AOPEP: variants seen among roughly 807,000 people sequenced by gnomAD.
AOPEP encodes aminopeptidase O.
AOPEP carries 77 observed loss-of-function variants against 98.1 expected under a neutral mutation model. That is an observed-to-expected ratio of 0.78 (90% confidence interval 0.65 to 0.95). The LOEUF (loss-of-function observed/expected upper bound fraction) is 0.95, where lower values mean the gene tolerates loss of function less well. AOPEP is among the 40% of genes least tolerant of loss of function. The pLI, the probability that AOPEP is intolerant of heterozygous loss-of-function variation, is 0.00. For missense variants in AOPEP, 1,024 were observed against 1,024.7 expected (o/e 1.00, Z 0.01); for synonymous variants, 346 against 365.3 (o/e 0.95, Z 0.60).
intron 7 of AOPEP, among the ~76,000 whole-genome samples, chr9:94,951,962 C>T (rs1453711052): frequency 1.3e-5 from 2 of 152,216 alleles, no homozygotes; most frequent in Non-Finnish European, 2.9e-5. Context: ...TCATTTTGGC[C>T]TGGACTAAGT....
the AOPEP span, among the ~76,000 whole-genome samples, chr9:95,124,634 T>A: frequency 6.6e-6 from 1 of 152,222 alleles, no homozygotes; most frequent in Admixed American, 6.5e-5. Context: ...TTTGGGTCTC[T>A]GATAAGAATG....
chr9:94,903,623 TA>T (rs11375914), intron 5 of AOPEP, among the ~76,000 whole-genome samples: 35 of 136,666 alleles, frequency 2.6e-4, no homozygotes, highest in Admixed American at 4.4e-4. Flanking sequence ...ACTCCATCTC[TA>T]AAAAAAAAAA....
chr9:94,973,722 G>A (rs1034429007), intron 10 of AOPEP, among the ~76,000 whole-genome samples: 1 of 152,226 alleles, frequency 6.6e-6, no homozygotes, highest in Non-Finnish European at 1.5e-5. Flanking sequence ...GTACGGATAC[G>A]CAGGACTCGC....
chr9:94,928,592 T>A, intron 7 of AOPEP, 61 bp downstream of exon 7: 1 of 1,206,042 alleles, frequency 8.3e-7, no homozygotes, highest in Non-Finnish European at 1.2e-6. Context: ...TCAAGACACC[T>A]CCCTGCCAAC....
At chr9:95,095,426 C>T in the AOPEP span, among the ~76,000 whole-genome samples, 5 of 152,186 alleles carry the variant, frequency 3.3e-5, no homozygotes, top group Admixed American at 6.5e-5. Flanking sequence ...TGTCCCTGCC[C>T]GTGCGTTTCG....
chr9:95,041,904 A>G (rs2065351331), intron 13 of AOPEP, among the ~76,000 whole-genome samples: 1 of 152,120 alleles, frequency 6.6e-6, no homozygotes, highest in African/African-American at 2.4e-5. Context: ...AACCTTCAGA[A>G]CTGAGCCTGA....
chr9:94,798,611 A>G (rs1847549844), intron 4 of AOPEP, among the ~76,000 whole-genome samples: 1 of 152,176 alleles, frequency 6.6e-6, no homozygotes, highest in Non-Finnish European at 1.5e-5. Flanking sequence ...GCTGTGGTAG[A>G]TATAATTTAA....
intron 5 of AOPEP, among the ~76,000 whole-genome samples, chr9:94,873,627 T>A (rs1156461839): frequency 6.6e-6 from 1 of 152,260 alleles, no homozygotes; most frequent in Non-Finnish European, 1.5e-5. Context: ...TGAGAAATTA[T>A]GAATCAACCT....
intron 6 of AOPEP, among the ~76,000 whole-genome samples, chr9:94,926,243 T>G (rs1451385905): frequency 6.6e-6 from 1 of 152,202 alleles, no homozygotes; most frequent in Non-Finnish European, 1.5e-5. Flanking sequence ...TCTTGACTGA[T>G]AAGTTTACAT....
Position 94,955,911 on chromosome 9 carries a change from T to C in AOPEP, c.1768T>C (p.Tyr590His). 1.2e-6 allele frequency: 2 copies of C among 1,609,068 alleles called. No homozygotes were observed. The highest frequency in any genetic ancestry group is 1.7e-6 in the Non-Finnish European group (2 of 1,177,122). ...CTCTCTTTTTTCTTTCTTCTAGGGC[T>C]ACTTCCTTCTTCGGTTTCTTGCCAA... ...IFMQVHYLKG[Y>H]FLLRFLAKRL... Residue 590 changes from tyrosine to histidine, a missense_variant, in exon 9 of 17, where the codon TAC becomes CAC. Transcript: ENST00000375315.
At chr9:95,124,745 G>C in the AOPEP span, among the ~76,000 whole-genome samples, 1 of 152,196 alleles carries the variant, frequency 6.6e-6, no homozygotes, top group Non-Finnish European at 1.5e-5. Flanking sequence ...CTGCTGACCT[G>C]GGAGGCTCAG....
At chr9:94,828,513 G>A (rs1249269693) in intron 5 of AOPEP, among the ~76,000 whole-genome samples, 1 of 152,028 alleles carries the variant, frequency 6.6e-6, no homozygotes, top group Non-Finnish European at 1.5e-5. Flanking sequence ...TGTGCTGGAC[G>A]CCAGGGATAG....
At chr9:94,840,981 T>C (rs1433147135) in intron 5 of AOPEP, among the ~76,000 whole-genome samples, 3 of 152,138 alleles carry the variant, frequency 2.0e-5, no homozygotes, top group African/African-American at 7.2e-5. Context: ...TTGCTTACAG[T>C]TTAATAGATT....
intron 5 of AOPEP, among the ~76,000 whole-genome samples, chr9:94,894,416 T>A (rs58297866): frequency 0.029 from 4,395 of 152,292 alleles, 169 homozygotes; most frequent in African/African-American, 0.084. Context: ...AAGAATCATA[T>A]ATAGTACTTT....
intron 13 of AOPEP, among the ~76,000 whole-genome samples, chr9:95,032,156 C>T (rs1027547514): frequency 6.6e-6 from 1 of 152,220 alleles, no homozygotes; most frequent in Admixed American, 6.5e-5. Context: ...CACACTTTAT[C>T]GTGTGTGTCT....
At chr9:94,776,582 A>G (rs578222012) in intron 3 of AOPEP, among the ~76,000 whole-genome samples, 13 of 152,326 alleles carry the variant, frequency 8.5e-5, no homozygotes, top group South Asian at 4.1e-4. Context: ...GATTACAGGC[A>G]TGAGCCACTG....
chr9:94,839,101 T>G (rs971702182), intron 5 of AOPEP, among the ~76,000 whole-genome samples: 1 of 149,068 alleles, frequency 6.7e-6, no homozygotes, highest in Non-Finnish European at 1.5e-5. Context: ...TTTTTTTTTT[T>G]TTGAGAGGGA....
the AOPEP span, chr9:95,107,105 A>G: frequency 2.4e-4 from 395 of 1,614,214 alleles, 5 homozygotes; most frequent in East Asian, 7.5e-3. Context: ...GGCCTCCAGG[A>G]GCCCAGAGCA....
At chr9:94,782,053 C>T (rs1312148871) in intron 3 of AOPEP, among the ~76,000 whole-genome samples, 19 of 151,294 alleles carry the variant, frequency 1.3e-4, no homozygotes, top group Non-Finnish European at 2.5e-4. Flanking sequence ...ATTAGCCGGG[C>T]GTGGTGGCAG....
Sources: gnomAD v4.1 joint callset for allele counts (sites outside exome capture counted in the v4.1 genomes callset) on GRCh38, gnomAD v4.1.1 for gene constraint, MANE v1.5 for transcripts, NCBI Gene and HGNC (gene_info 2026-07-23, HGNC 2026-07-21) for gene names.